The following C1orf87 variants were observed in gnomAD, a reference collection of about 807,000 sequenced individuals.
C1orf87 encodes the protein uncharacterized protein C1orf87.
In C1orf87, 58 loss-of-function variants were observed where a neutral mutation model predicts 60.5. The observed-to-expected ratio is 0.96, with a 90% CI of 0.78 to 1.19. The LOEUF (loss-of-function observed/expected upper bound fraction) is 1.19, where lower values mean the gene tolerates loss of function less well. C1orf87 is among the 50% of genes most tolerant of loss of function. C1orf87 has a pLI of 0.00. For missense variants in C1orf87, 673 were observed against 638.6 expected (o/e 1.05, Z -0.58); for synonymous variants, 236 against 227.4 (o/e 1.04, Z -0.34).
chr1:60,010,082 C>T (rs1444272304), intron 9 of C1orf87, among the ~76,000 whole-genome samples: 1 of 151,400 alleles, frequency 6.6e-6, no homozygotes, highest in African/African-American at 2.4e-5. Flanking sequence ...ATCTAAGCGA[C>T]TGTGCACCTG....
chr1:60,012,181 A>G (rs1233355122), intron 8 of C1orf87, among the ~76,000 whole-genome samples: 1 of 151,802 alleles, frequency 6.6e-6, no homozygotes, highest in Non-Finnish European at 1.5e-5. Context: ...CTTTGATGAA[A>G]AAAAAAACAC....
At chr1:60,011,061 G>C (rs2100257702) in intron 8 of C1orf87, 1 of 151,998 alleles carries the variant, frequency 6.6e-6, no homozygotes, top group East Asian at 1.9e-4. Flanking sequence ...CACAAGTATG[G>C]AAAGCATTAC....
chr1:60,027,653 C>T (rs760215183), intron 7 of C1orf87, among the ~76,000 whole-genome samples: 9 of 151,940 alleles, frequency 5.9e-5, no homozygotes, highest in Non-Finnish European at 1.2e-4. Flanking sequence ...GGAAAGACAA[C>T]CAATCGGGTT....
chr1:60,066,398 C>T (rs1645546217), intron 2 of C1orf87, among the ~76,000 whole-genome samples: 1 of 152,158 alleles, frequency 6.6e-6, no homozygotes, highest in South Asian at 2.1e-4. Context: ...TTCACAGCAT[C>T]TTCACCAGGA....
At chr1:60,025,951 T>C (rs1476312834) in intron 7 of C1orf87, among the ~76,000 whole-genome samples, 1 of 152,212 alleles carries the variant, frequency 6.6e-6, no homozygotes, top group Non-Finnish European at 1.5e-5. Context: ...AACAAAGACC[T>C]GGAGGGATTA....
chr1:60,023,597 T>C (rs867574270), intron 8 of C1orf87, among the ~76,000 whole-genome samples: 3 of 152,228 alleles, frequency 2.0e-5, no homozygotes, highest in South Asian at 4.1e-4. Context: ...TACTTCATAC[T>C]TGTTTTCCCT....
intron 2 of C1orf87, among the ~76,000 whole-genome samples, chr1:60,070,935 G>A (rs1645580575): frequency 6.6e-6 from 1 of 152,132 alleles, no homozygotes; most frequent in African/African-American, 2.4e-5. Flanking sequence ...GAGAGAATAA[G>A]GCTAAACAAA....
At chr1:60,023,185 C>A (rs1271930443) in intron 8 of C1orf87, among the ~76,000 whole-genome samples, 2 of 152,034 alleles carry the variant, frequency 1.3e-5, no homozygotes, top group African/African-American at 4.8e-5. Flanking sequence ...TTTCAAATTT[C>A]TTGTGTCTGA....
At chr1:60,035,740 G>A (rs1645271224) in intron 6 of C1orf87, among the ~76,000 whole-genome samples, 1 of 152,210 alleles carries the variant, frequency 6.6e-6, no homozygotes, top group Non-Finnish European at 1.5e-5. Flanking sequence ...AAAATTGGAG[G>A]TGCCAATTAC....
At chr1:60,021,300 T>C (rs1161037487) in intron 8 of C1orf87, among the ~76,000 whole-genome samples, 3 of 152,268 alleles carry the variant, frequency 2.0e-5, no homozygotes, top group South Asian at 4.2e-4. Flanking sequence ...GTGAGGAAAA[T>C]AGTCATGCCC....
At chr1:60,039,213 A>G (rs926568126) in intron 5 of C1orf87, among the ~76,000 whole-genome samples, 1 of 152,070 alleles carries the variant, frequency 6.6e-6, no homozygotes, top group African/African-American at 2.4e-5. Context: ...TTCTTTTTTA[A>G]GGTTTGTGCT....
intron 9 of C1orf87, among the ~76,000 whole-genome samples, chr1:60,010,177 CT>C (rs1645072987): frequency 6.6e-6 from 1 of 151,964 alleles, no homozygotes; most frequent in Non-Finnish European, 1.5e-5. Context: ...CATGATAAAA[CT>C]TGGAGAATTG....
intron 2 of C1orf87, among the ~76,000 whole-genome samples, chr1:60,056,608 C>T (rs1048978387): frequency 7.9e-5 from 12 of 152,144 alleles, no homozygotes; most frequent in Non-Finnish European, 1.2e-4. Context: ...ATGTATATAA[C>T]GTGTGTGCCT....
In C1orf87 at chr1:60,009,305, G is replaced by T. The variant is rs531035264; in HGVS notation, c.1192+1087C>A. On this transcript the variant is annotated intron_variant, in intron 9 of 11. Transcript: ENST00000371201. ...CACAATAACAAGCCAAAGGAGGCCTGTGGCTGCTAGAAGCTGAAACCGGCA... is the reference window on the plus strand; with the variant it reads ...CACAATAACAAGCCAAAGGAGGCCTTTGGCTGCTAGAAGCTGAAACCGGCA... 2.0e-5 allele frequency among the ~76,000 whole-genome samples: 3 copies of T among 151,086 alleles called. No homozygotes were observed. In the South Asian group the frequency reaches 6.4e-4, roughly 32 times the overall value.
At chr1:60,059,094 A>T (rs1557479485) in intron 2 of C1orf87, among the ~76,000 whole-genome samples, 1 of 152,214 alleles carries the variant, frequency 6.6e-6, no homozygotes, top group Non-Finnish European at 1.5e-5. Flanking sequence ...AAAAAAAAAT[A>T]CATAGCGCTT....
intron 2 of C1orf87, among the ~76,000 whole-genome samples, chr1:60,061,667 T>A (rs1163123487): frequency 1.3e-5 from 2 of 148,570 alleles, no homozygotes; most frequent in African/African-American, 5.0e-5. Flanking sequence ...AGGCCAGGCA[T>A]AGTGGCTCAC....
chr1:59,992,709 C>T (rs189827623), intron 11 of C1orf87, among the ~76,000 whole-genome samples: 2 of 152,274 alleles, frequency 1.3e-5, no homozygotes, highest in Admixed American at 1.3e-4. Context: ...GTTTAAGATA[C>T]CAAATATTAC....
At chr1:60,006,225 A>T (rs1645044344) in intron 9 of C1orf87, among the ~76,000 whole-genome samples, 1 of 152,006 alleles carries the variant, frequency 6.6e-6, no homozygotes, top group South Asian at 2.1e-4. Flanking sequence ...TGCCAACAGG[A>T]GGTAAGGCAT....
At chr1:60,064,341 T>A (rs988912191) in intron 2 of C1orf87, among the ~76,000 whole-genome samples, 2 of 140,656 alleles carry the variant, frequency 1.4e-5, no homozygotes, top group Admixed American at 1.5e-4. Flanking sequence ...ATACTATATA[T>A]GTAATATATG....
Sources: allele counts gnomAD v4.1 joint callset (sites outside exome capture counted in the v4.1 genomes callset), GRCh38; gene constraint gnomAD v4.1.1; transcripts MANE v1.5; gene names NCBI Gene and HGNC (gene_info 2026-07-23, HGNC 2026-07-21).